Variants in GRM4 observed in about 807,000 individuals in gnomAD.
GRM4 encodes glutamate metabotropic receptor 4, also known as metabotropic glutamate receptor 4.
A neutral mutation model predicts 81.7 loss-of-function variants in GRM4; 28 were observed. The ratio of observed to expected loss-of-function variants is 0.34; its 90% confidence interval spans 0.25 to 0.47. The LOEUF (loss-of-function observed/expected upper bound fraction) is 0.47, where lower values mean the gene tolerates loss of function less well. Ranked by LOEUF, GRM4 falls within the 20% of genes least tolerant of loss-of-function variation. The pLI, the probability that GRM4 is intolerant of heterozygous loss-of-function variation, is 1.00. For missense variants in GRM4, 948 were observed against 1,290.0 expected (o/e 0.73, Z 4.06); for synonymous variants, 488 against 528.8 (o/e 0.92, Z 1.06).
intron 3 of GRM4, chr6:34,091,589 G>A: frequency 2.3e-6 from 1 of 433,540 alleles, no homozygotes; most frequent in Non-Finnish European, 4.2e-6. Flanking sequence ...CCCTTCCTCT[G>A]CTGTGAGGAG....
intron 1 of GRM4, among the ~76,000 whole-genome samples, chr6:34,142,825 G>A (rs1186248778): frequency 1.3e-5 from 2 of 152,174 alleles, no homozygotes; most frequent in African/African-American, 4.8e-5. Flanking sequence ...GGAGGGAGGA[G>A]GGGGGGAGGA....
At position 34,056,550 on chromosome 6, in the gene GRM4, A is replaced by G; in HGVS notation, c.1162T>C (p.Cys388Arg). 6.2e-7 allele frequency: 1 copy of G among 1,612,802 alleles called. No homozygotes were observed. Among genetic ancestry groups the G allele is most frequent in the Non-Finnish European group, 8.5e-7 (1 of 1,179,672 alleles). The change falls in exon 6 of 11, where the codon TGC becomes CGC. Residue 388 changes from cysteine to arginine, a missense_variant. Cys to Arg is a radical substitution (Grantham distance 180). Coordinates refer to ENST00000538487, the MANE Select transcript of GRM4 (RefSeq NM_000841.4). ...ALKKGSHVKK[C>R]TNRERIGQDS... ...GCCCGGCCCGCGTGCTCACTGGTGC[A>G]CTTCTTGACGTGGCTGCCCTTCTTG... is the stretch of plus-strand genomic sequence containing the variant.
upstream of GRM4, among the ~76,000 whole-genome samples, chr6:34,150,759 ACTG>A (rs1264250036): frequency 3.3e-5 from 5 of 152,180 alleles, no homozygotes; most frequent in Non-Finnish European, 2.9e-5. Flanking sequence ...AAGCAGGAAA[ACTG>A]CTTCTTCCTT....
chr6:34,103,123 A>AT (rs1253572395), intron 2 of GRM4, among the ~76,000 whole-genome samples: 1 of 152,160 alleles, frequency 6.6e-6, no homozygotes, highest in African/African-American at 2.4e-5. Context: ...AAGCTGCCCC[A>AT]TGCCACCTCT....
At position 34,059,449 on chromosome 6, in the gene GRM4, G is replaced by A. The variant is rs181553407; in HGVS notation, c.873-321C>T. The A allele has an allele frequency of 9.4e-4, 354 of 377,278 alleles. 7 individuals are homozygous for A. The highest frequency in any genetic ancestry group is 2.1e-3 in the Admixed American group (52 of 24,968). 23.4% of individuals were successfully genotyped at this position (377,278 alleles called of 1,614,324 possible). ...CCCTCCAGATCCACACCCGCCCCAC[G>A]TCTGACTCAGGCCCCACAACCACCT... On this transcript the variant is annotated intron_variant, in intron 4 of 10. Coordinates refer to ENST00000538487, the MANE Select transcript of GRM4 (RefSeq NM_000841.4). The surrounding 1 kb of genome is among the most constrained non-coding windows in gnomAD (Gnocchi z 5.7).
chr6:34,067,113 C>T (rs372254225), intron 3 of GRM4, among the ~76,000 whole-genome samples: 3 of 152,144 alleles, frequency 2.0e-5, no homozygotes. Context: ...GAGCTGGAAC[C>T]GTCACCACCC....
At chr6:34,029,310 G>A (rs568529042) in intron 9 of GRM4, among the ~76,000 whole-genome samples, 1 of 152,248 alleles carries the variant, frequency 6.6e-6, no homozygotes, top group African/African-American at 2.4e-5. Flanking sequence ...GCTTCCTCCA[G>A]GAATCCTCTC....
intron 2 of GRM4, among the ~76,000 whole-genome samples, chr6:34,110,110 A>G (rs1225708420): frequency 2.0e-5 from 3 of 152,144 alleles, no homozygotes; most frequent in Non-Finnish European, 4.4e-5. Context: ...CAGCCTGGGC[A>G]ATACAGCAAG....
At chr6:34,043,285 G>A (rs755673874) in intron 6 of GRM4, among the ~76,000 whole-genome samples, 1 of 152,146 alleles carries the variant, frequency 6.6e-6, no homozygotes, top group Non-Finnish European at 1.5e-5. Flanking sequence ...ATCCTGCCTT[G>A]TCCAAGGCCT....
chr6:34,116,233 C>G (rs909155733), intron 2 of GRM4, among the ~76,000 whole-genome samples: 4 of 152,196 alleles, frequency 2.6e-5, no homozygotes, highest in African/African-American at 9.6e-5. Flanking sequence ...GGACAGGCAG[C>G]GCTGCAGGCC....
At chr6:34,138,270 A>G (rs1009309896) in intron 1 of GRM4, among the ~76,000 whole-genome samples, 1 of 152,110 alleles carries the variant, frequency 6.6e-6, no homozygotes, top group Non-Finnish European at 1.5e-5. Context: ...GGTTCAGCAA[A>G]AAGAGCCAGG....
rs1765078126 is a variant in GRM4, at chr6:34,042,786, C to T, written c.1169-2038G>A. On this transcript the variant is annotated intron_variant, in intron 6 of 10. Transcript: ENST00000538487. This position sits in a 1 kb window ranked among gnomAD's most constrained non-coding sequence, Gnocchi z 4.2. ...CTGCCTTGGACACCCTGAAGGCAGA[C>T]CCAGGGTGCAGGGGATCTCACTGCC... Among the ~76,000 whole-genome samples the T allele has an allele frequency of 6.6e-6, 1 of 152,154 alleles. No homozygotes were observed. The highest frequency in any genetic ancestry group is 1.5e-5 in the Non-Finnish European group (1 of 68,018).
At chr6:34,061,794 G>A in intron 4 of GRM4, 99 bp downstream of exon 4, 9 of 1,318,782 alleles carry the variant, frequency 6.8e-6, no homozygotes, top group Non-Finnish European at 9.6e-6. Flanking sequence ...CCAGGGTGGG[G>A]TCAGGCTCGC....
chr6:34,096,433 C>T (rs1333654990), intron 2 of GRM4, among the ~76,000 whole-genome samples: 1 of 152,326 alleles, frequency 6.6e-6, no homozygotes, highest in South Asian at 2.1e-4. Context: ...GCACTGAATG[C>T]GGCTGCCCCA....
chr6:34,026,120 G>A (rs962752554), intron 10 of GRM4, among the ~76,000 whole-genome samples: 3 of 152,104 alleles, frequency 2.0e-5, no homozygotes, highest in Admixed American at 6.5e-5. Context: ...CCTTGTCTCC[G>A]CACCCAATCT....
At chr6:34,076,078 G>C (rs929318269) in intron 3 of GRM4, among the ~76,000 whole-genome samples, 3 of 152,242 alleles carry the variant, frequency 2.0e-5, no homozygotes, top group Non-Finnish European at 4.4e-5. Context: ...GTTGGGCCTG[G>C]CCAGGGTTAT....
chr6:34,141,403 A>C (rs1173855856), intron 1 of GRM4, among the ~76,000 whole-genome samples: 2 of 152,144 alleles, frequency 1.3e-5, no homozygotes, highest in African/African-American at 4.8e-5. Flanking sequence ...GGCATTTCCC[A>C]ATTACCACAG....
At chr6:34,153,167 C>T (rs1012147479) in intron 1 of GRM4, among the ~76,000 whole-genome samples, 3 of 152,264 alleles carry the variant, frequency 2.0e-5, no homozygotes, top group African/African-American at 4.8e-5. Context: ...CAGGGCTCCC[C>T]GACGCACACA....
intron 6 of GRM4, among the ~76,000 whole-genome samples, chr6:34,041,135 C>G (rs1765003723): frequency 6.6e-6 from 1 of 152,214 alleles, no homozygotes; most frequent in Admixed American, 6.5e-5. Context: ...TTGAGAGCAG[C>G]TGCCCCTCTC....
Sources: gnomAD v4.1 joint callset for allele counts (sites outside exome capture counted in the v4.1 genomes callset) on GRCh38, gnomAD v4.1.1 for gene constraint, Gnocchi (gnomAD v3.1) non-coding constraint, MANE v1.5 for transcripts, NCBI Gene and HGNC (gene_info 2026-07-23, HGNC 2026-07-21) for gene names.